The following CACNA1H variants were observed in gnomAD, a reference collection of about 807,000 sequenced individuals.
The protein encoded by CACNA1H is voltage-dependent T-type calcium channel subunit alpha-1H.
Under a neutral mutation model 192.5 loss-of-function variants are expected in CACNA1H, and 149 were observed. The ratio of observed to expected loss-of-function variants is 0.77; its 90% CI spans 0.68 to 0.89. CACNA1H has a LOEUF of 0.89. Ranked by LOEUF, CACNA1H falls within the 40% of genes least tolerant of loss-of-function variation. CACNA1H has a pLI of 0.00. For missense variants in CACNA1H, 4,257 were observed against 3,423.5 expected (o/e 1.24, Z -6.08); for synonymous variants, 2,202 against 1,475.2 (o/e 1.49, Z -11.29).
Position 1,195,409 on chromosome 16 carries a change from C to T in CACNA1H, c.412-23C>T. 8 of 1,550,592 alleles carry T rather than the reference C, an allele frequency of 5.2e-6. No individual in the cohort carries two copies. In the South Asian group the frequency reaches 9.5e-5, roughly 18 times the overall value. Reference sequence around the variant, plus strand: ...GGCTGAGCTGAGCTGTTCCACGGGCCCTCCTGATGCCTCCTCCCGCAGGCC... The same window carrying T: ...GGCTGAGCTGAGCTGTTCCACGGGCTCTCCTGATGCCTCCTCCCGCAGGCC... On this transcript the variant is annotated intron_variant, in intron 3 of 34. Transcript: ENST00000348261.
chr16:1,201,996 C>T lies in CACNA1H; in HGVS notation c.1546C>T (p.His516Tyr), dbSNP rs1057519554. 4 of 1,539,630 alleles carry T rather than the reference C, an allele frequency of 2.6e-6. No individual in the cohort carries two copies. Among genetic ancestry groups the T allele is most frequent in the Non-Finnish European group, 3.5e-6 (4 of 1,143,714 alleles). Residue 516 changes from histidine (H) to tyrosine (Y), a missense_variant, in exon 9 of 35, where the codon CAC becomes TAC. His to Tyr is a moderately conservative substitution (Grantham distance 83). Coordinates refer to ENST00000348261, the MANE Select transcript of CACNA1H (RefSeq NM_021098.3). ...RAGRHTASVHHLVYHHHHHHH... is the reference protein window; with the variant it reads ...RAGRHTASVHYLVYHHHHHHH... ...AGGCAGGCACACAGCCTCGGTGCAC[C>T]ACCTGGTCTACCACCACCATCACCA...
At chr16:1,201,390 C>G (rs925958336) in intron 8 of CACNA1H, among the ~76,000 whole-genome samples, 3 of 152,150 alleles carry the variant, frequency 2.0e-5, no homozygotes, top group African/African-American at 7.2e-5. Flanking sequence ...AAGGCCAGAT[C>G]TGCAGGTAAA....
At position 1,210,586 on chromosome 16, in the gene CACNA1H, C is replaced by A; in HGVS notation, c.3973C>A (p.Arg1325=). 6.2e-7 allele frequency: 1 copy of A among 1,609,028 alleles called. No homozygotes were observed. Among genetic ancestry groups the A allele is most frequent in the Non-Finnish European group, 8.5e-7 (1 of 1,179,784 alleles). The part of the protein sequence containing the change: ...RPDIDPGSTE[R]VFLSVSNYIF... ...CCCCACCGTCCTCTCCCGGCAGGAGCGGGTCTTCCTCAGCGTCTCCAATTA... is the reference window on the plus strand; with the variant it reads ...CCCCACCGTCCTCTCCCGGCAGGAGAGGGTCTTCCTCAGCGTCTCCAATTA... The change falls in exon 20 of 35, where the codon CGG becomes AGG. Residue 1325 remains arginine, a synonymous_variant. Coordinates refer to ENST00000348261, the MANE Select transcript of CACNA1H (RefSeq NM_021098.3).
At position 1,211,598 on chromosome 16, in the gene CACNA1H, C is replaced by A; in HGVS notation, c.4468C>A (p.Leu1490Met). ...GCGACGCAAGTACAACTTCGACAAC[C>A]TGGGCCAGGTGGGCTGGGCGGCCGG... ...WVRRKYNFDNLGQALMSLFVL... is the reference protein window; with the variant it reads ...WVRRKYNFDNMGQALMSLFVL... The change falls in exon 23 of 35, where the codon CTG becomes ATG. Residue 1490 changes from leucine to methionine, a missense_variant. By Grantham distance (15) the Leu-to-Met change is conservative. Transcript: ENST00000348261. 1 of 1,609,860 alleles carries A rather than the reference C, an allele frequency of 6.2e-7. No individual in the cohort carries two copies. The highest frequency in any genetic ancestry group is 8.5e-7 in the Non-Finnish European group (1 of 1,178,436).
At chr16:1,214,340 G>A (rs1391490978) in intron 27 of CACNA1H, among the ~76,000 whole-genome samples, 2 of 152,246 alleles carry the variant, frequency 1.3e-5, no homozygotes, top group Admixed American at 1.3e-4. Flanking sequence ...AGAAGAAGGA[G>A]GTAGCCTCTG....
chr16:1,217,952 G>T lies in CACNA1H; in HGVS notation c.5357G>T (p.Ser1786Ile). Residue 1786 changes from serine (S) to isoleucine (I), a missense_variant, in exon 32 of 35, where the codon AGC (serine) becomes ATC (isoleucine). Transcript: ENST00000348261. ...CSEDNPCEGL[S>I]RHATFSNFGM... is the part of the protein sequence containing the mutation. ...GAAGACAACCCCTGCGAGGGCCTGA[G>T]CAGGCACGCCACCTTCAGCAACTTC... is the stretch of plus-strand genomic sequence containing the variant. The T allele has an allele frequency of 6.2e-7, 1 of 1,605,676 alleles. No homozygotes were observed. Among genetic ancestry groups the T allele is most frequent in the Non-Finnish European group, 8.5e-7 (1 of 1,176,878 alleles).
intron 24 of CACNA1H, 24 bp from the exon 25 acceptor site, chr16:1,211,922 G>C: frequency 6.2e-7 from 1 of 1,611,784 alleles, no homozygotes; most frequent in Non-Finnish European, 8.5e-7. Flanking sequence ...AGGCGGGCGG[G>C]GACCCACCGC....
Position 1,212,092 on chromosome 16 carries a change from G to A in CACNA1H, c.4713G>A (p.Arg1571=). 6.2e-7 allele frequency: 1 copy of A among 1,611,910 alleles called. No individual in the cohort carries two copies. Among genetic ancestry groups the A allele is most frequent in the Non-Finnish European group, 8.5e-7 (1 of 1,179,602 alleles). The part of the protein sequence containing the change: ...CRQHQEAEEA[R]RREEKRLRRL... ...AGCACCAGGAGGCGGAGGAGGCGCGGCGGCGAGAGGAGAAGCGGCTGCGGC... is the reference window on the plus strand; with the variant it reads ...AGCACCAGGAGGCGGAGGAGGCGCGACGGCGAGAGGAGAAGCGGCTGCGGC... The change falls in exon 25 of 35, where the codon CGG becomes CGA. Residue 1571 remains arginine, a synonymous_variant. Transcript: ENST00000348261.
rs1440506362 is a variant in CACNA1H at position 1,201,918 on chromosome 16, G to C, written c.1468G>C (p.Val490Leu). The C allele has an allele frequency of 6.5e-7, 1 of 1,550,112 alleles. No individual in the cohort carries two copies. Among genetic ancestry groups the C allele is most frequent in the East Asian group, 2.4e-5 (1 of 40,918 alleles). The change falls in exon 9 of 35, where the codon GTG (valine) becomes CTG (leucine). Residue 490 changes from valine to leucine, a missense_variant. Transcript: ENST00000348261. ...ARWQSRWRKK[V>L]DPSAVQGQGP... ...CTGGCAGAGCCGCTGGCGCAAGAAG[G>C]TGGACCCCAGTGCTGTGCAAGGCCA...
At chr16:1,196,678 G>A (rs1025727329) in intron 5 of CACNA1H, among the ~76,000 whole-genome samples, 1 of 152,208 alleles carries the variant, frequency 6.6e-6, no homozygotes, top group Non-Finnish European at 1.5e-5. Context: ...TGAGGAGGGG[G>A]CCTGGTGGAG....
At chr16:1,213,421 G>T (rs1311667983) in intron 26 of CACNA1H, among the ~76,000 whole-genome samples, 1 of 152,062 alleles carries the variant, frequency 6.6e-6, no homozygotes, top group Non-Finnish European at 1.5e-5. Context: ...GTTGGGATGT[G>T]GGGGAGCCAT....
intron 2 of CACNA1H, among the ~76,000 whole-genome samples, chr16:1,177,282 C>A (rs567870365): frequency 6.6e-6 from 1 of 152,344 alleles, no homozygotes; most frequent in Non-Finnish European, 1.5e-5. Flanking sequence ...AGGGCCGGGT[C>A]CCCTGCTGCC....
At chr16:1,190,813 G>C (rs976937153) in intron 2 of CACNA1H, among the ~76,000 whole-genome samples, 3 of 152,066 alleles carry the variant, frequency 2.0e-5, no homozygotes, top group African/African-American at 7.2e-5. Context: ...GGGCCCTGCA[G>C]ACCCAAGAGC....
chr16:1,207,527 T>A (rs550548884), intron 14 of CACNA1H, 97 bp downstream of exon 14: 1 of 1,325,794 alleles, frequency 7.5e-7, no homozygotes, highest in African/African-American at 1.5e-5. Context: ...TGCCAAGAGG[T>A]GAGGGATAGA....
chr16:1,210,348 T>TCCCCCCCCCCCCCCC, intron 18 of CACNA1H, 22 bp from the exon 19 acceptor site: 18 of 277,474 alleles, frequency 6.5e-5, no homozygotes, highest in South Asian at 9.3e-5. Context: ...GCCCCACCTC[T>TCCCCCCCCCCCCCCC]CACCCGCCCC....
intron 34 of CACNA1H, among the ~76,000 whole-genome samples, 160 bp from the exon 35 acceptor site, chr16:1,219,821 A>G (rs1596479216): frequency 6.6e-6 from 1 of 152,186 alleles, no homozygotes; most frequent in South Asian, 2.1e-4. Flanking sequence ...GGACGTCCAC[A>G]CCAGCGGCTT....
intron 30 of CACNA1H, among the ~76,000 whole-genome samples, chr16:1,215,907 T>C (rs1014047484): frequency 6.6e-6 from 1 of 151,942 alleles, no homozygotes; most frequent in Non-Finnish European, 1.5e-5. Context: ...AAGGTGGGTG[T>C]GTGTGGGCAC....
Position 1,180,917 on chromosome 16 carries a change from C to G in CACNA1H, c.300-14055C>G, listed in dbSNP as rs1245404913. Among the ~76,000 whole-genome samples the G allele has an allele frequency of 1.3e-5, 2 of 152,220 alleles. No individual in the cohort carries two copies. The highest frequency in any genetic ancestry group is 4.8e-5 in the African/African-American group (2 of 41,470). The stretch of plus-strand genomic sequence containing the variant: ...GGGCCGCGTTGGCAGGGGCTCACCC[C>G]GTCTTCCCGCAGGAAAGCGCCTTGG... On this transcript the variant is annotated intron_variant, in intron 2 of 34. Coordinates refer to ENST00000348261, the MANE Select transcript of CACNA1H (RefSeq NM_021098.3). The surrounding 1 kb of genome is among the most constrained non-coding windows in gnomAD (Gnocchi z 4.4).
chr16:1,186,245 C>T (rs912973602), intron 2 of CACNA1H, among the ~76,000 whole-genome samples: 1 of 151,798 alleles, frequency 6.6e-6, no homozygotes, highest in Non-Finnish European at 1.5e-5. Context: ...GAGCCTGTTT[C>T]CTTAGTGGTG....
Sources: allele counts gnomAD v4.1 joint callset (sites outside exome capture counted in the v4.1 genomes callset), GRCh38; gene constraint gnomAD v4.1.1; non-coding constraint Gnocchi (gnomAD v3.1); transcripts MANE v1.5; gene names NCBI Gene and HGNC (gene_info 2026-07-23, HGNC 2026-07-21).